KRR1: variants seen among roughly 807,000 people sequenced by gnomAD.
KRR1 encodes KRR1 small subunit processome component.
In KRR1, 23 loss-of-function variants were observed where a neutral mutation model predicts 50.0. That is an observed-to-expected ratio of 0.46 (90% CI 0.33 to 0.65). KRR1 has a LOEUF of 0.65. Ranked by LOEUF, KRR1 falls within the 30% of genes least tolerant of loss-of-function variation. KRR1 has a pLI of 0.02. For synonymous variants in KRR1, 133 were observed against 146.3 expected (o/e 0.91, Z 0.66); for missense variants, 419 against 442.4 (o/e 0.95, Z 0.47).
Position 75,498,450 on chromosome 12 carries a change from T to C in KRR1, c.*1359A>G. On this transcript the variant is annotated 3_prime_UTR_variant, in exon 10 of 10. Transcript: ENST00000229214. Reference sequence around the variant, plus strand: ...GTATGATGTGTAAAATGATTTTCCATTTATAGTAATGGTATAGTTTCCTTT... The same window carrying C: ...GTATGATGTGTAAAATGATTTTCCACTTATAGTAATGGTATAGTTTCCTTT... The C allele has an allele frequency of 2.7e-6, 1 of 375,714 alleles. No homozygotes were observed. The allele number at this position is 375,714 out of a possible 1,614,324, so 23.3% of individuals were successfully genotyped here. A position where few individuals can be genotyped will look rare whatever the true frequency, so the allele number is the denominator to read the frequency against.
Position 75,494,562 on chromosome 12 carries a change from CAATTT to C in KRR1, c.*5242_*5246del, listed in dbSNP as rs2046339644. ...GTTTTAAACATTTTGATAACTATTT[CAATTT>C]AATTGGTTTCCTTTATAATCCTATG... On this transcript the variant is annotated 3_prime_UTR_variant, in exon 10 of 10. Transcript: ENST00000229214. 6.6e-6 allele frequency: 1 copy of C among 152,228 alleles called. No homozygotes were observed. The highest frequency in any genetic ancestry group is 2.4e-5 in the African/African-American group (1 of 41,538). The allele number at this position is 152,228 out of a possible 1,614,324, so 9.4% of individuals were successfully genotyped here. A position where few individuals can be genotyped will look rare whatever the true frequency, so the allele number is the denominator to read the frequency against.
chr12:75,503,808 T>TAC (rs2046410026), intron 7 of KRR1, 96 bp downstream of exon 7: 3 of 1,065,830 alleles, frequency 2.8e-6, no homozygotes, highest in African/African-American at 1.6e-5. Context: ...TATATATATA[T>TAC]ACACATATCC....
At chr12:75,509,451 C>T (rs932435112) in intron 1 of KRR1, among the ~76,000 whole-genome samples, 9 of 152,240 alleles carry the variant, frequency 5.9e-5, no homozygotes, top group South Asian at 2.1e-4. Flanking sequence ...AAACTTTCTG[C>T]TTATACTCAC....
At position 75,491,837 on chromosome 12, in the gene KRR1, A is replaced by G. The variant is rs775623420; in HGVS notation, c.*7972T>C. ...AGGTTTTTAACCATTTGCAATATAT[A>G]TAATGATCTTTAATTTGTTGCCTTT... On this transcript the variant is annotated 3_prime_UTR_variant, in exon 10 of 10. Transcript: ENST00000229214. 3.9e-5 allele frequency: 6 copies of G among 152,186 alleles called. No homozygotes were observed. The highest frequency in any genetic ancestry group is 8.8e-5 in the Non-Finnish European group (6 of 68,032). The allele number at this position is 152,186 out of a possible 1,614,324, so 9.4% of individuals were successfully genotyped here. A position where few individuals can be genotyped will look rare whatever the true frequency, so the allele number is the denominator to read the frequency against.
In KRR1 at chr12:75,496,044, C is replaced by T; in HGVS notation, c.*3765G>A. The T allele has an allele frequency of 6.5e-6, 1 of 153,514 alleles. No homozygotes were observed. The highest frequency in any genetic ancestry group is 1.4e-5 in the Non-Finnish European group (1 of 73,304). 9.5% of individuals were successfully genotyped at this position (153,514 alleles called of 1,614,324 possible). A position where few individuals can be genotyped will look rare whatever the true frequency, so the allele number is the denominator to read the frequency against. On this transcript the variant is annotated 3_prime_UTR_variant, in exon 10 of 10. Coordinates refer to ENST00000229214, the MANE Select transcript of KRR1 (RefSeq NM_007043.7). ...TTTGAGACAGAGTCTTGCTCTGTCA[C>T]CCATGCTAGAGTGCAGTGGTGTGAT... is the stretch of plus-strand genomic sequence containing the variant.
rs1313677848 is a variant in KRR1, at chr12:75,496,743, G to C, written c.*3066C>G. The C allele has an allele frequency of 6.6e-6, 1 of 152,072 alleles. No individual in the cohort carries two copies. The highest frequency in any genetic ancestry group is 1.5e-5 in the Non-Finnish European group (1 of 68,006). 9.4% of individuals were successfully genotyped at this position (152,072 alleles called of 1,614,324 possible). On this transcript the variant is annotated 3_prime_UTR_variant, in exon 10 of 10. Coordinates refer to ENST00000229214, the MANE Select transcript of KRR1 (RefSeq NM_007043.7). ...GTTCCACTGCACGAAATTTAGTTTG[G>C]AAAAAAGTGTTCCATTGCTCATGTT...
Position 75,499,191 on chromosome 12 carries a change from T to C in KRR1, c.*618A>G, listed in dbSNP as rs2046372776. ...AGCATTATTTGCAGGTTGCCACAGG[T>C]GGACTTTTAGTAAGTAACCTAACCC... On this transcript the variant is annotated 3_prime_UTR_variant, in exon 10 of 10. Transcript: ENST00000229214. The C allele has an allele frequency of 2.6e-6, 1 of 388,540 alleles. No individual in the cohort carries two copies. Among genetic ancestry groups the C allele is most frequent in the East Asian group, 4.3e-5 (1 of 23,454 alleles). 24.1% of individuals were successfully genotyped at this position (388,540 alleles called of 1,614,324 possible).
At chr12:75,510,084 A>G (rs541625638) in intron 1 of KRR1, among the ~76,000 whole-genome samples, 2 of 152,210 alleles carry the variant, frequency 1.3e-5, no homozygotes, top group Non-Finnish European at 2.9e-5. Context: ...AATGCAAACT[A>G]AAACTGCAAC....
Position 75,503,934 on chromosome 12 carries a change from C to T in KRR1, c.801G>A (p.Thr267=), listed in dbSNP as rs112004570. 1.4e-5 allele frequency: 22 copies of T among 1,611,498 alleles called. No individual in the cohort carries two copies. The East Asian group carries it at 3.3e-4, about 25-fold the overall frequency. Residue 267 remains threonine (T), a synonymous_variant, in exon 7 of 10, where the codon ACG becomes ACA. Coordinates refer to ENST00000229214, the MANE Select transcript of KRR1 (RefSeq NM_007043.7). ...TTTCTGGTTGTGGTGGTGGGAATGG[C>T]GTATATTCTTTCTTAACAGTTTTTT... The part of the protein sequence containing the change: ...PKKKTVKKEY[T]PFPPPQPESQ...
chr12:75,508,357 T>G lies in KRR1; in HGVS notation c.175A>C (p.Ser59Arg). ...TATTTTGGGAACAAAGTTGCGAAAC[T>G]GCTCTCCTCCAAAAGTCCTCTGGGA... ...DNPRGLLEES[S>R]FATLFPKYRE... Residue 59 changes from serine (S) to arginine (R), a missense_variant, in exon 2 of 10, where the codon AGT becomes CGT. By Grantham distance (110) the Ser-to-Arg change is moderately radical. Transcript: ENST00000229214. The G allele has an allele frequency of 6.2e-7, 1 of 1,613,688 alleles. No individual in the cohort carries two copies. The highest frequency in any genetic ancestry group is 2.2e-5 in the East Asian group (1 of 44,856).
Position 75,502,011 on chromosome 12 carries a change from CG to C in KRR1, c.832-12del. On this transcript the variant is annotated splice_polypyrimidine_tract_variant and intron_variant, in intron 7 of 9. Transcript: ENST00000229214. ...CAATTCTTTATCGATCTGTTGAAAACGGTATTTACAATTACATCAGAAATAA... is the reference window on the plus strand; with the variant it reads ...CAATTCTTTATCGATCTGTTGAAAACGTATTTACAATTACATCAGAAATAA... 2 of 1,600,486 alleles carry C rather than the reference CG, an allele frequency of 1.2e-6. No individual in the cohort carries two copies. The highest frequency in any genetic ancestry group is 1.7e-6 in the Non-Finnish European group (2 of 1,173,198).
In KRR1 at chr12:75,499,752, GATATCTCAAAATCCTTTACAAA is replaced by G; in HGVS notation, c.*35_*56del. On this transcript the variant is annotated 3_prime_UTR_variant, in exon 10 of 10. Transcript: ENST00000229214. ...CTCACAAATAAGGCAACTAATGCCT[GATATCTCAAAATCCTTTACAAA>G]AGGAGATAGTTCTAGTCAAGGAGTT... 2.2e-6 allele frequency: 3 copies of G among 1,365,094 alleles called. No individual in the cohort carries two copies. In the South Asian group the frequency reaches 4.4e-5, roughly 20 times the overall value. The allele number at this position is 1,365,094 out of a possible 1,614,324, so 84.6% of individuals were successfully genotyped here. A position where few individuals can be genotyped will look rare whatever the true frequency, so the allele number is the denominator to read the frequency against.
intron 9 of KRR1, 132 bp downstream of exon 9, chr12:75,501,591 G>T (rs2046394439): frequency 1.6e-6 from 1 of 639,100 alleles, no homozygotes; most frequent in Non-Finnish European, 2.7e-6. Flanking sequence ...CTTGTCCTTA[G>T]GATTAGTAAT....
At position 75,490,876 on chromosome 12, in the gene KRR1, T is replaced by C. The variant is rs1417656070; in HGVS notation, c.*8933A>G. The C allele has an allele frequency of 3.2e-5, 5 of 157,368 alleles. No individual in the cohort carries two copies. The highest frequency in any genetic ancestry group is 1.2e-4 in the African/African-American group (5 of 41,604). The allele number at this position is 157,368 out of a possible 1,614,324, so 9.7% of individuals were successfully genotyped here. On this transcript the variant is annotated 3_prime_UTR_variant, in exon 10 of 10. Coordinates refer to ENST00000229214, the MANE Select transcript of KRR1 (RefSeq NM_007043.7). Reference sequence around the variant, plus strand: ...GAAGAACTGATGTTATATTTATTGGTTTATTAGAAACTTGGCAATTTTACA... The same window carrying C: ...GAAGAACTGATGTTATATTTATTGGCTTATTAGAAACTTGGCAATTTTACA...
Position 75,496,950 on chromosome 12 carries a change from A to G in KRR1, c.*2859T>C, listed in dbSNP as rs1323575026. 1.3e-5 allele frequency: 2 copies of G among 152,226 alleles called. No individual in the cohort carries two copies. The highest frequency in any genetic ancestry group is 2.9e-5 in the Non-Finnish European group (2 of 68,044). 9.4% of individuals were successfully genotyped at this position (152,226 alleles called of 1,614,324 possible). On this transcript the variant is annotated 3_prime_UTR_variant, in exon 10 of 10. Transcript: ENST00000229214. Reference sequence around the variant, plus strand: ...TTTCACTTATATCACTCTTGTGAAGAAAAGTAACATGTAGCCACAATGCAG... The same window carrying G: ...TTTCACTTATATCACTCTTGTGAAGGAAAGTAACATGTAGCCACAATGCAG...
chr12:75,502,376 C>A, intron 7 of KRR1: 1 of 162,452 alleles, frequency 6.2e-6, no homozygotes, highest in Non-Finnish European at 1.3e-5. Flanking sequence ...ACTGTAAAGA[C>A]CAAAGAATAA....
chr12:75,495,919 G>A lies in KRR1; in HGVS notation c.*3890C>T. ...AAAACTGTCAGAAACTGTAGACTAAGATTCCTAAGATTTGCTTATTTCAGC... is the reference window on the plus strand; with the variant it reads ...AAAACTGTCAGAAACTGTAGACTAAAATTCCTAAGATTTGCTTATTTCAGC... On this transcript the variant is annotated 3_prime_UTR_variant, in exon 10 of 10. Transcript: ENST00000229214. 1 of 261,462 alleles carries A rather than the reference G, an allele frequency of 3.8e-6. No homozygotes were observed. Among genetic ancestry groups the A allele is most frequent in the South Asian group, 1.3e-4 (1 of 7,506 alleles). The allele number at this position is 261,462 out of a possible 1,614,324, so 16.2% of individuals were successfully genotyped here.
intron 1 of KRR1, among the ~76,000 whole-genome samples, chr12:75,509,923 A>C (rs2046439434): frequency 6.6e-6 from 1 of 152,032 alleles, no homozygotes; most frequent in South Asian, 2.1e-4. Context: ...TCCCTATCCA[A>C]TTTAAACACT....
chr12:75,508,725 C>T (rs2046433721), intron 1 of KRR1, among the ~76,000 whole-genome samples: 1 of 152,218 alleles, frequency 6.6e-6, no homozygotes, highest in Admixed American at 6.5e-5. Context: ...CCTCTTCACA[C>T]TAGTTGGCAT....
Sources: gnomAD v4.1 joint callset for allele counts (sites outside exome capture counted in the v4.1 genomes callset) on GRCh38, gnomAD v4.1.1 for gene constraint, MANE v1.5 for transcripts, NCBI Gene and HGNC (gene_info 2026-07-23, HGNC 2026-07-21) for gene names.